ENDOD1: variants seen among roughly 807,000 people sequenced by gnomAD.
The protein encoded by ENDOD1 is endonuclease domain containing 1, also known as endonuclease domain-containing 1 protein.
Under a neutral mutation model 6.5 loss-of-function variants are expected in ENDOD1, and 9 were observed. That is an observed-to-expected ratio of 1.39 (90% CI 0.84 to 2.43). The LOEUF is 2.43. Ranked by LOEUF, ENDOD1 falls within the 30% of genes most tolerant of loss-of-function variation. ENDOD1 has a pLI of 0.00. For synonymous variants in ENDOD1, 255 were observed against 255.2 expected (o/e 1.00, Z 0.01); for missense variants, 648 against 635.5 (o/e 1.02, Z -0.21).
chr11:95,090,628 C>G (rs78033260), intron 1 of ENDOD1, among the ~76,000 whole-genome samples: 3,595 of 152,318 alleles, frequency 0.024, 133 homozygotes, highest in African/African-American at 0.081. Flanking sequence ...CTTCGTGCAA[C>G]TTATTGCCAT....
chr11:95,119,291 G>C (rs578221234), intron 1 of ENDOD1, among the ~76,000 whole-genome samples: 1 of 152,328 alleles, frequency 6.6e-6, no homozygotes, highest in South Asian at 2.1e-4. Flanking sequence ...GTCTGGGCTT[G>C]CTTCTACCCA....
chr11:95,121,981 T>A (rs1046555370), intron 1 of ENDOD1, among the ~76,000 whole-genome samples: 9 of 152,166 alleles, frequency 5.9e-5, no homozygotes, highest in African/African-American at 2.2e-4. Context: ...AGATCAGTGG[T>A]GTGTGCAAAT....
At chr11:95,105,625 G>A (rs1555111340) in intron 1 of ENDOD1, among the ~76,000 whole-genome samples, 1 of 152,026 alleles carries the variant, frequency 6.6e-6, no homozygotes, top group African/African-American at 2.4e-5. Flanking sequence ...CTGTGTCCAT[G>A]TGTTCTCATT....
chr11:95,108,215 C>A (rs532339665), intron 1 of ENDOD1, among the ~76,000 whole-genome samples: 129 of 152,216 alleles, frequency 8.5e-4, no homozygotes, highest in African/African-American at 3.1e-3. Flanking sequence ...GAACACCCAC[C>A]CTTTCGAACG....
At chr11:95,121,946 G>A (rs1352630369) in intron 1 of ENDOD1, among the ~76,000 whole-genome samples, 1 of 152,138 alleles carries the variant, frequency 6.6e-6, no homozygotes, top group Non-Finnish European at 1.5e-5. Context: ...TATATTTAGA[G>A]ATTCCACTGG....
chr11:95,093,253 A>C (rs552872253), intron 1 of ENDOD1, among the ~76,000 whole-genome samples: 1 of 152,172 alleles, frequency 6.6e-6, no homozygotes, highest in African/African-American at 2.4e-5. Context: ...CTCCACCCTC[A>C]TATTTTATGT....
chr11:95,090,171 C>A lies in ENDOD1; in HGVS notation c.244C>A (p.Arg82Ser), dbSNP rs1555109701. Residue 82 changes from arginine (R) to serine (S), a missense_variant, in exon 1 of 2, where the codon CGC becomes AGC. By Grantham distance (110) the Arg-to-Ser change is moderately radical. Transcript: ENST00000278505. Reference sequence around the variant, plus strand: ...CCGCATCCCCGTGTACTCCGCGTTCCGCGCCCCGCGCCCTGCGCCCGGCGG... The same window carrying A: ...CCGCATCCCCGTGTACTCCGCGTTCAGCGCCCCGCGCCCTGCGCCCGGCGG... ...RDRIPVYSAF[R>S]APRPAPGGAE... is the part of the protein sequence containing the mutation. 1.0e-5 allele frequency: 15 copies of A among 1,434,114 alleles called. No homozygotes were observed. Among genetic ancestry groups the A allele is most frequent in the Non-Finnish European group, 1.4e-5 (15 of 1,077,806 alleles). 88.8% of individuals were successfully genotyped at this position (1,434,114 alleles called of 1,614,324 possible). A position where few individuals can be genotyped will look rare whatever the true frequency, so the allele number is the denominator to read the frequency against.
In ENDOD1 at chr11:95,116,320, C is replaced by A. The variant is rs1380916772; in HGVS notation, c.301-12057C>A. 2.0e-5 allele frequency among the ~76,000 whole-genome samples: 3 copies of A among 152,238 alleles called. No homozygotes were observed. The South Asian group carries it at 6.2e-4, about 32-fold the overall frequency. On this transcript the variant is annotated intron_variant, in intron 1 of 1. Coordinates refer to ENST00000278505, the MANE Select transcript of ENDOD1 (RefSeq NM_015036.3). ...CACTCATAGTAGATATTTTGAATTT[C>A]TGTGGTACAGTTCTAATGTCTCCTT...
intron 1 of ENDOD1, among the ~76,000 whole-genome samples, chr11:95,099,996 G>A (rs139823931): frequency 6.6e-5 from 10 of 152,284 alleles, no homozygotes; most frequent in African/African-American, 2.4e-4. Flanking sequence ...CAGAAACACA[G>A]GGAAAAGAAA....
chr11:95,121,916 C>G (rs1409684627), intron 1 of ENDOD1, among the ~76,000 whole-genome samples: 1 of 152,152 alleles, frequency 6.6e-6, no homozygotes, highest in Non-Finnish European at 1.5e-5. Context: ...GTAGATAAGA[C>G]AGAGCTTTGT....
Position 95,093,921 on chromosome 11 carries a change from A to G in ENDOD1, c.300+3694A>G, listed in dbSNP as rs546916211. Reference sequence around the variant, plus strand: ...AGATGGTTTGGAGGAGTTCTAGTCAAGACTCCAGAAACCTGAGAACTGGAT... The same window carrying G: ...AGATGGTTTGGAGGAGTTCTAGTCAGGACTCCAGAAACCTGAGAACTGGAT... On this transcript the variant is annotated intron_variant, in intron 1 of 1. Coordinates refer to ENST00000278505, the MANE Select transcript of ENDOD1 (RefSeq NM_015036.3). Among the ~76,000 whole-genome samples, 4 of 152,288 alleles carry G rather than the reference A, an allele frequency of 2.6e-5. No individual in the cohort carries two copies. In the East Asian group the frequency reaches 5.8e-4, roughly 22 times the overall value.
rs369672933 is a variant in ENDOD1, at chr11:95,100,657, G to A, written c.300+10430G>A. Among the ~76,000 whole-genome samples, 12 of 151,184 alleles carry A rather than the reference G, an allele frequency of 7.9e-5. No homozygotes were observed. In the East Asian group the frequency reaches 1.4e-3, roughly 17 times the overall value. ...TGCCACCACGTCTGGCTAATTTTAT[G>A]TATTTTTTTTTTTGCTTTTTGTAGA... On this transcript the variant is annotated intron_variant, in intron 1 of 1. Transcript: ENST00000278505.
At chr11:95,113,264 A>G (rs1859167972) in intron 1 of ENDOD1, among the ~76,000 whole-genome samples, 1 of 152,190 alleles carries the variant, frequency 6.6e-6, no homozygotes, top group Non-Finnish European at 1.5e-5. Context: ...TATTATAGTT[A>G]TTTTAAATTA....
intron 1 of ENDOD1, among the ~76,000 whole-genome samples, chr11:95,100,373 G>A (rs782616650): frequency 9.9e-5 from 15 of 152,070 alleles, no homozygotes; most frequent in Non-Finnish European, 1.9e-4. Flanking sequence ...GCTCCTTATC[G>A]TGCTCTACAC....
At chr11:95,127,203 A>G (rs866453177) in intron 1 of ENDOD1, among the ~76,000 whole-genome samples, 23 of 152,152 alleles carry the variant, frequency 1.5e-4, no homozygotes, top group Admixed American at 1.3e-4. Context: ...TGGTGTCAAG[A>G]ATTTACAAGT....
At position 95,089,863 on chromosome 11, in the gene ENDOD1, C is replaced by T; in HGVS notation, c.-65C>T. The stretch of plus-strand genomic sequence containing the variant: ...TCGGCTGCGTAGTGCGCTCCCCGCC[C>T]AGCCTGCAGAGCTCGCGCCGCGGCA... On this transcript the variant is annotated 5_prime_UTR_variant, in exon 1 of 2. Transcript: ENST00000278505. The T allele has an allele frequency of 1.6e-6, 2 of 1,264,284 alleles. No individual in the cohort carries two copies. The highest frequency in any genetic ancestry group is 2.0e-6 in the Non-Finnish European group (2 of 1,002,548). The allele number at this position is 1,264,284 out of a possible 1,614,324, so 78.3% of individuals were successfully genotyped here. A position where few individuals can be genotyped will look rare whatever the true frequency, so the allele number is the denominator to read the frequency against.
chr11:95,100,863 G>GGGT (rs1859032217), intron 1 of ENDOD1, among the ~76,000 whole-genome samples: 3 of 51,088 alleles, frequency 5.9e-5, no homozygotes, highest in East Asian at 6.9e-4. Flanking sequence ...TACCTGCTGG[G>GGGT]TGTTTTTTTT....
At chr11:95,119,634 G>T (rs1039856530) in intron 1 of ENDOD1, among the ~76,000 whole-genome samples, 5 of 152,198 alleles carry the variant, frequency 3.3e-5, no homozygotes, top group African/African-American at 1.2e-4. Context: ...ACAGTACTTG[G>T]TTCATCCACA....
At chr11:95,128,307 C>G in intron 1 of ENDOD1, 70 bp from the exon 2 acceptor site, 2 of 1,538,462 alleles carry the variant, frequency 1.3e-6, no homozygotes, top group African/African-American at 2.7e-5. Flanking sequence ...AGAGTCTGGG[C>G]AGGATGATTC....
Sources: allele counts gnomAD v4.1 joint callset (sites outside exome capture counted in the v4.1 genomes callset), GRCh38; gene constraint gnomAD v4.1.1; transcripts MANE v1.5; gene names NCBI Gene and HGNC (gene_info 2026-07-23, HGNC 2026-07-21).